Variants in SLF1 observed in about 807,000 individuals in gnomAD.
SLF1 encodes the protein SMC5/6 complex localization factor 1.
A neutral mutation model predicts 123.0 loss-of-function variants in SLF1; 105 were observed. That is an observed-to-expected ratio of 0.85 (90% CI 0.73 to 1.00). The LOEUF is 1.00. Ranked by LOEUF, SLF1 falls within the 50% of genes least tolerant of loss-of-function variation. The pLI is 0.00. For missense variants in SLF1, 1,239 were observed against 1,223.0 expected (o/e 1.01, Z -0.20); for synonymous variants, 434 against 406.6 (o/e 1.07, Z -0.81).
At chr5:94,620,934 ATGAT>A (rs1431421314) in intron 1 of SLF1, among the ~76,000 whole-genome samples, 4 of 152,278 alleles carry the variant, frequency 2.6e-5, no homozygotes, top group Non-Finnish European at 5.9e-5. Context: ...AATCACTCTA[ATGAT>A]TGATACCAAA....
chr5:94,665,488 C>T (rs1749642043), intron 11 of SLF1, among the ~76,000 whole-genome samples: 1 of 152,200 alleles, frequency 6.6e-6, no homozygotes, highest in African/African-American at 2.4e-5. Flanking sequence ...TGGTGGCTCA[C>T]ACCTGTAATC....
intron 20 of SLF1, among the ~76,000 whole-genome samples, chr5:94,692,811 G>A (rs950628545): frequency 6.6e-6 from 1 of 152,184 alleles, no homozygotes; most frequent in Non-Finnish European, 1.5e-5. Context: ...CAGGGGTTTT[G>A]TGAAGGAGGT....
intron 5 of SLF1, among the ~76,000 whole-genome samples, chr5:94,648,362 C>T (rs1747301094): frequency 6.6e-6 from 1 of 152,124 alleles, no homozygotes; most frequent in South Asian, 2.1e-4. Flanking sequence ...AAGCCAAGTG[C>T]GAGTGAGAGG....
chr5:94,658,894 T>G (rs1748741964), intron 9 of SLF1, among the ~76,000 whole-genome samples: 1 of 147,122 alleles, frequency 6.8e-6, no homozygotes, highest in Admixed American at 6.8e-5. Context: ...AGTCTATTGC[T>G]GAAGCTCTCT....
chr5:94,677,515 T>C (rs1751220395), intron 14 of SLF1, among the ~76,000 whole-genome samples: 1 of 152,218 alleles, frequency 6.6e-6, no homozygotes, highest in African/African-American at 2.4e-5. Context: ...AAGCATAATA[T>C]ATGCCTAATA....
chr5:94,630,327 T>C (rs756134869), intron 3 of SLF1, among the ~76,000 whole-genome samples, 176 bp from the exon 4 acceptor site: 47 of 152,224 alleles, frequency 3.1e-4, no homozygotes, highest in South Asian at 6.2e-4. Flanking sequence ...TTCAGTGATA[T>C]TGTAAGCCTC....
chr5:94,664,012 G>GTT (rs199873196), intron 11 of SLF1, 104 bp downstream of exon 11: 11 of 1,153,482 alleles, frequency 9.5e-6, no homozygotes, highest in South Asian at 2.2e-5. Flanking sequence ...CCTGTTCAGT[G>GTT]TTTTTTTTTC....
chr5:94,647,260 G>A (rs1464943914), intron 5 of SLF1, among the ~76,000 whole-genome samples: 1 of 152,154 alleles, frequency 6.6e-6, no homozygotes, highest in Non-Finnish European at 1.5e-5. Flanking sequence ...TTAAGCATCA[G>A]GGTATAAGTA....
Position 94,692,098 on chromosome 5 carries a change from A to T in SLF1, c.2537A>T (p.His846Leu), listed in dbSNP as rs766915924. 1.1e-5 allele frequency: 17 copies of T among 1,613,548 alleles called. 1 individual carries two copies. The South Asian group carries it at 1.8e-4, about 17-fold the overall frequency. The change falls in exon 20 of 21, where the codon CAT (histidine) becomes CTT (leucine). Residue 846 changes from histidine (H) to leucine (L), a missense_variant. Transcript: ENST00000265140. ...VKDNAGWTPL[H>L]EACNYGNTVC... is the part of the protein sequence containing the mutation. ...GACAATGCTGGCTGGACGCCTTTGC[A>T]TGAAGCCTGTAACTATGGCAACACA...
Position 94,630,532 on chromosome 5 carries a change from A to G in SLF1, c.220A>G (p.Ile74Val), listed in dbSNP as rs1401644176. 1 of 1,551,624 alleles carries G rather than the reference A, an allele frequency of 6.4e-7. No individual in the cohort carries two copies. Among genetic ancestry groups the G allele is most frequent in the South Asian group, 1.2e-5 (1 of 84,060 alleles). ...GKWILTKDYI[I>V]HSAKSGRWLD... ...GTGGATACTAACCAAGGACTATATA[A>G]TTCATAGTGCCAAAAGTGGCAGATG... is the stretch of plus-strand genomic sequence containing the variant. The change falls in exon 4 of 21, where the codon ATT becomes GTT. Residue 74 changes from isoleucine to valine, a missense_variant. Ile to Val is a conservative substitution (Grantham distance 29). Transcript: ENST00000265140.
chr5:94,664,601 A>G (rs2044910), intron 11 of SLF1, among the ~76,000 whole-genome samples: 22,600 of 152,136 alleles, frequency 0.15, 1,882 homozygotes, highest in East Asian at 0.32. Context: ...ATTTGATAAC[A>G]TAACAGGCAT....
intron 15 of SLF1, among the ~76,000 whole-genome samples, chr5:94,685,286 A>G (rs1752283768): frequency 6.6e-6 from 1 of 152,206 alleles, no homozygotes; most frequent in African/African-American, 2.4e-5. Flanking sequence ...ACTATATTTT[A>G]ACTTAATGCT....
At chr5:94,681,064 C>T (rs922364679) in intron 15 of SLF1, among the ~76,000 whole-genome samples, 4 of 152,214 alleles carry the variant, frequency 2.6e-5, no homozygotes, top group South Asian at 2.1e-4. Flanking sequence ...TGCACACACA[C>T]GCAGTTGGTT....
chr5:94,663,996 AT>A, intron 11 of SLF1, 88 bp downstream of exon 11: 6 of 1,282,108 alleles, frequency 4.7e-6, no homozygotes, highest in South Asian at 1.9e-5. Context: ...TTTACAGTTT[AT>A]TTTCCCTGTT....
At chr5:94,652,308 C>T (rs1747833889) in intron 7 of SLF1, among the ~76,000 whole-genome samples, 1 of 152,158 alleles carries the variant, frequency 6.6e-6, no homozygotes, top group East Asian at 1.9e-4. Flanking sequence ...TGCGCCCAGC[C>T]TGCTATATCA....
chr5:94,687,993 TATTA>T (rs746937946), intron 16 of SLF1, among the ~76,000 whole-genome samples: 159 of 150,706 alleles, frequency 1.1e-3, no homozygotes, highest in Middle Eastern at 3.5e-3. Flanking sequence ...AATAAGGCAA[TATTA>T]ATTTAGATAT....
At chr5:94,639,550 T>C (rs1385434900) in intron 4 of SLF1, among the ~76,000 whole-genome samples, 1 of 152,178 alleles carries the variant, frequency 6.6e-6, no homozygotes. Flanking sequence ...CAATATACAG[T>C]TGACAGTTGA....
intron 1 of SLF1, among the ~76,000 whole-genome samples, chr5:94,627,366 C>T (rs541380838): frequency 2.0e-4 from 30 of 151,888 alleles, no homozygotes; most frequent in Admixed American, 7.9e-4. Context: ...TTCTCTAATA[C>T]GCTGTCTAGT....
chr5:94,681,365 C>T (rs1218577518), intron 15 of SLF1, among the ~76,000 whole-genome samples: 4 of 152,200 alleles, frequency 2.6e-5, no homozygotes, highest in Non-Finnish European at 5.9e-5. Context: ...CTCCAGACCT[C>T]AGGTGATCTG....
Sources: allele counts gnomAD v4.1 joint callset (sites outside exome capture counted in the v4.1 genomes callset), GRCh38; gene constraint gnomAD v4.1.1; transcripts MANE v1.5; gene names NCBI Gene and HGNC (gene_info 2026-07-23, HGNC 2026-07-21).